Variants in PBLD observed in about 807,000 individuals in gnomAD.
PBLD encodes phenazine biosynthesis like protein domain containing, also known as phenazine biosynthesis-like domain-containing protein.
In PBLD, 26 loss-of-function variants were observed where a neutral mutation model predicts 31.3. The ratio of observed to expected loss-of-function variants is 0.83; its 90% confidence interval spans 0.61 to 1.15. The LOEUF is 1.15. PBLD is among the 50% of genes most tolerant of loss of function. The pLI is 0.00. For synonymous variants in PBLD, 114 were observed against 129.0 expected (o/e 0.88, Z 0.79); for missense variants, 307 against 351.7 (o/e 0.87, Z 1.02).
At chr10:68,314,259 G>A (rs960979125) in intron 1 of PBLD, among the ~76,000 whole-genome samples, 3 of 152,116 alleles carry the variant, frequency 2.0e-5, no homozygotes, top group Non-Finnish European at 4.4e-5. Context: ...TTACAGGCAT[G>A]AACCACCACA....
chr10:68,305,335 G>A (rs61857272), intron 2 of PBLD, among the ~76,000 whole-genome samples: 147,940 of 147,944 alleles, frequency 1, 73,968 homozygotes, highest in Non-Finnish European at 1. Context: ...TTGGACTCTG[G>A]CTCCTGGCCC....
At chr10:68,324,604 C>CTTTATTTATTTA (rs201038659) in intron 1 of PBLD, among the ~76,000 whole-genome samples, 1,841 of 148,640 alleles carry the variant, frequency 0.012, 38 homozygotes, top group African/African-American at 0.043. Context: ...ACCCTCCACA[C>CTTTATTTATTTA]TTTATTTATT....
At chr10:68,322,637 C>T (rs568660188) in intron 1 of PBLD, among the ~76,000 whole-genome samples, 6 of 150,514 alleles carry the variant, frequency 4.0e-5, no homozygotes, top group Non-Finnish European at 8.9e-5. Flanking sequence ...GCACTCCAGC[C>T]TGGGTGACAC....
chr10:68,298,999 C>T (rs945029402), intron 2 of PBLD, among the ~76,000 whole-genome samples: 1 of 146,356 alleles, frequency 6.8e-6, no homozygotes, highest in African/African-American at 2.5e-5. Flanking sequence ...CCCAGCTACT[C>T]GGGAAACTGA....
At position 68,296,380 on chromosome 10, in the gene PBLD, G is replaced by A; in HGVS notation, c.185-16C>T. Reference sequence around the variant, plus strand: ...AAGCAGGAACCTGAGGATAGGAAAAGCCAAAGAGAGATGAGATCATTCCCA... The same window carrying A: ...AAGCAGGAACCTGAGGATAGGAAAAACCAAAGAGAGATGAGATCATTCCCA... On this transcript the variant is annotated splice_polypyrimidine_tract_variant and intron_variant, in intron 3 of 9. Transcript: ENST00000358769. The A allele has an allele frequency of 1.9e-6, 3 of 1,571,428 alleles. No individual in the cohort carries two copies. Among genetic ancestry groups the A allele is most frequent in the Non-Finnish European group, 2.6e-6 (3 of 1,142,936 alleles).
rs759001215 is a variant in PBLD at position 68,282,836 on chromosome 10, C to T, written c.*1341G>A. On this transcript the variant is annotated 3_prime_UTR_variant, in exon 10 of 10. Transcript: ENST00000358769. ...ACTGATTAGCTTGCAGTTTTTGAGA[C>T]GGCTGAGAACTACCATCAATGAGAT... 1.4e-4 allele frequency: 22 copies of T among 152,098 alleles called. No homozygotes were observed. Among genetic ancestry groups the T allele is most frequent in the African/African-American group, 2.2e-4 (9 of 41,404 alleles). 9.4% of individuals were successfully genotyped at this position (152,098 alleles called of 1,614,324 possible).
chr10:68,311,585 CA>C (rs200817347), intron 1 of PBLD, among the ~76,000 whole-genome samples: 40 of 141,676 alleles, frequency 2.8e-4, no homozygotes, highest in African/African-American at 3.1e-4. Flanking sequence ...GACACTGTGT[CA>C]AAAAAAAAAG....
At chr10:68,315,674 G>A (rs1589668447) in intron 1 of PBLD, among the ~76,000 whole-genome samples, 1 of 152,052 alleles carries the variant, frequency 6.6e-6, no homozygotes, top group East Asian at 1.9e-4. Flanking sequence ...TCCTAGGACT[G>A]TGTGCATGCA....
At chr10:68,302,827 CA>C (rs1243217363) in intron 2 of PBLD, among the ~76,000 whole-genome samples, 3 of 139,240 alleles carry the variant, frequency 2.2e-5, no homozygotes, top group Non-Finnish European at 4.6e-5. Context: ...GGGGAGAAAG[CA>C]AGGTCCTGTC....
chr10:68,330,709 C>CGTGTGTGTGTGTGTGTGTGT (rs56166847), intron 1 of PBLD, among the ~76,000 whole-genome samples: 31 of 142,912 alleles, frequency 2.2e-4, no homozygotes, highest in African/African-American at 5.0e-4. Context: ...CCACGCCCGG[C>CGTGTGTGTGTGTGTGTGTGT]GTGTGTGTGT....
chr10:68,294,267 T>C lies in PBLD; in HGVS notation c.283+1999A>G, dbSNP rs573336440. Among the ~76,000 whole-genome samples, 3 of 152,322 alleles carry C rather than the reference T, an allele frequency of 2.0e-5. No individual in the cohort carries two copies. In the East Asian group the frequency reaches 5.8e-4, roughly 29 times the overall value. ...CTCATCCCACAGATGCTTCATCTTA[T>C]CCTTTCGCCCAAAGTTCCCCTTCTC... On this transcript the variant is annotated intron_variant, in intron 4 of 9. Coordinates refer to ENST00000358769, the MANE Select transcript of PBLD (RefSeq NM_022129.4).
At chr10:68,296,202 TGA>T in intron 4 of PBLD, 62 bp downstream of exon 4, 5 of 1,231,974 alleles carry the variant, frequency 4.1e-6, no homozygotes, top group Non-Finnish European at 5.8e-6. Context: ...AAAGTGTGTG[TGA>T]GAACTTAAAA....
chr10:68,285,341 G>A lies in PBLD; in HGVS notation c.754+7C>T. 1.9e-6 allele frequency: 3 copies of A among 1,614,028 alleles called. No individual in the cohort carries two copies. Among genetic ancestry groups the A allele is most frequent in the Non-Finnish European group, 2.5e-6 (3 of 1,179,972 alleles). ...ATAAAAAAGAAATTGGTAAAGAGCT[G>A]TCCTACCATGCATTTCTTTCTTCCC... On this transcript the variant is annotated splice_region_variant and intron_variant, in intron 9 of 9. Coordinates refer to ENST00000358769, the MANE Select transcript of PBLD (RefSeq NM_022129.4).
Position 68,284,190 on chromosome 10 carries a change from G to A in PBLD, c.854C>T (p.Thr285Ile), listed in dbSNP as rs774657400. Residue 285 changes from threonine (T) to isoleucine (I), a missense_variant, in exon 10 of 10, where the codon ACA (threonine) becomes ATA (isoleucine). Thr to Ile is a moderately conservative substitution (Grantham distance 89). Transcript: ENST00000358769. Reference sequence around the variant, plus strand: ...GCATAACCACCTCTAGGCTGTCAGTGTGCCCTCTAAAACAACAGCTGCACC... The same window carrying A: ...GCATAACCACCTCTAGGCTGTCAGTATGCCCTCTAAAACAACAGCTGCACC... ...RGGAAVVLEGTLTA is the reference protein window; with the variant it reads ...RGGAAVVLEGILTA The A allele has an allele frequency of 1.9e-5, 30 of 1,613,808 alleles. No homozygotes were observed. The highest frequency in any genetic ancestry group is 2.5e-5 in the Non-Finnish European group (30 of 1,179,798).
At chr10:68,320,762 G>A (rs1208779676) in intron 1 of PBLD, among the ~76,000 whole-genome samples, 3 of 150,356 alleles carry the variant, frequency 2.0e-5, no homozygotes, top group African/African-American at 7.4e-5. Flanking sequence ...CAAGCAATCT[G>A]CCCACCTAGG....
chr10:68,319,111 G>GAAAAAAA (rs1554860577), intron 1 of PBLD, among the ~76,000 whole-genome samples: 1 of 115,514 alleles, frequency 8.7e-6, no homozygotes, highest in East Asian at 2.5e-4. Flanking sequence ...AAGAAAGAAA[G>GAAAAAAA]GAAAAAGAAA....
In PBLD at chr10:68,310,534, A is replaced by G; in HGVS notation, c.-59-3631T>C. 1.3e-5 allele frequency among the ~76,000 whole-genome samples: 2 copies of G among 149,776 alleles called. 1 individual carries two copies. The highest frequency in any genetic ancestry group is 4.2e-4 in the East Asian group (2 of 4,812). ...CTATAGTCATGATGCTATACAATAG[A>G]TCTCTTGAACTTATTCCTCCTATCT... On this transcript the variant is annotated intron_variant, in intron 1 of 9. Coordinates refer to ENST00000358769, the MANE Select transcript of PBLD (RefSeq NM_022129.4).
intron 4 of PBLD, among the ~76,000 whole-genome samples, chr10:68,294,822 G>A (rs2044403455): frequency 6.6e-6 from 1 of 152,172 alleles, no homozygotes; most frequent in Non-Finnish European, 1.5e-5. Flanking sequence ...CGGCCTCCCA[G>A]GTTCAAGCGA....
intron 8 of PBLD, chr10:68,287,670 C>T (rs917862802): frequency 6.6e-6 from 1 of 152,298 alleles, no homozygotes; most frequent in African/African-American, 2.4e-5. Context: ...GGAGTCATGA[C>T]ATTTCTGCCC....
Sources: allele counts gnomAD v4.1 joint callset (sites outside exome capture counted in the v4.1 genomes callset), GRCh38; gene constraint gnomAD v4.1.1; transcripts MANE v1.5; gene names NCBI Gene and HGNC (gene_info 2026-07-23, HGNC 2026-07-21).